Variants in CHMP7 observed in about 807,000 individuals in gnomAD.
CHMP7 encodes charged multivesicular body protein 7, also known as CHMP family, member 7.
Under a neutral mutation model 53.7 loss-of-function variants are expected in CHMP7, and 15 were observed. The ratio of observed to expected loss-of-function variants is 0.28; its 90% CI spans 0.19 to 0.43. The LOEUF (loss-of-function observed/expected upper bound fraction) is 0.43. Among genes scored for constraint, CHMP7 ranks in the 20% least tolerant of loss-of-function variants. CHMP7 has a pLI of 1.00. For synonymous variants in CHMP7, 261 were observed against 228.0 expected, an observed-to-expected ratio of 1.14 and a Z score of -1.30; for missense variants, 527 against 569.4, an observed-to-expected ratio of 0.93 and a Z score of 0.76.
intron 9 of CHMP7, among the ~76,000 whole-genome samples, 188 bp downstream of exon 9, chr8:23,259,314 G>A (rs10092563): frequency 0.13 from 18,602 of 148,392 alleles, 1,481 homozygotes; most frequent in South Asian, 0.29. Context: ...GACTACAGGC[G>A]CCTGCCACTA....
At position 23,245,823 on chromosome 8, in the gene CHMP7, GT is replaced by G. The variant is rs140493228; in HGVS notation, c.-440-430del. ...AGATATAAACATATTCAAGTGGTCT[GT>G]TTCCTCTTGTGTGTTTTGGCAGAGT... On this transcript the variant is annotated intron_variant, in intron 1 of 10. Coordinates refer to ENST00000397677, the MANE Select transcript of CHMP7 (RefSeq NM_152272.5). Among the ~76,000 whole-genome samples, 947 of 152,314 alleles carry G rather than the reference GT, an allele frequency of 6.2e-3. 12 individuals carry two copies. The highest frequency in any genetic ancestry group is 0.022 in the African/African-American group (903 of 41,578).
chr8:23,248,061 C>G, intron 2 of CHMP7: 1 of 456,242 alleles, frequency 2.2e-6, no homozygotes, highest in Middle Eastern at 3.3e-4. Flanking sequence ...ATCCTCCCAC[C>G]TCAGCCTCCC....
At chr8:23,260,473 C>T in intron 10 of CHMP7, 65 bp from the exon 11 acceptor site, 1 of 1,523,444 alleles carries the variant, frequency 6.6e-7, no homozygotes, top group Non-Finnish European at 9.1e-7. Context: ...GTCTCTTAAT[C>T]ACTGGAATGC....
chr8:23,251,266 G>C (rs1397943580), intron 3 of CHMP7, among the ~76,000 whole-genome samples: 2 of 151,930 alleles, frequency 1.3e-5, no homozygotes, highest in Non-Finnish European at 2.9e-5. Context: ...CTTTTGGATG[G>C]TATTGAAAAA....
intron 1 of CHMP7, 86 bp downstream of exon 1, chr8:23,243,930 G>T (rs549120696): frequency 1.3e-5 from 2 of 151,962 alleles, no homozygotes; most frequent in African/African-American, 4.8e-5. Context: ...CTTATTTGCC[G>T]TTGGTAGATC....
At chr8:23,247,132 C>G in intron 2 of CHMP7, 138 bp downstream of exon 2, 1 of 838,484 alleles carries the variant, frequency 1.2e-6, no homozygotes, top group Non-Finnish European at 1.7e-6. Context: ...AGTGTGTGTT[C>G]AGAAGGCGAA....
At chr8:23,245,796 T>C (rs920718551) in intron 1 of CHMP7, among the ~76,000 whole-genome samples, 2 of 152,258 alleles carry the variant, frequency 1.3e-5, no homozygotes, top group African/African-American at 4.8e-5. Context: ...ATTCAATTAA[T>C]TAGATATAAA....
chr8:23,254,019 C>T (rs1382109886), intron 3 of CHMP7, among the ~76,000 whole-genome samples: 3 of 152,096 alleles, frequency 2.0e-5, no homozygotes, highest in Non-Finnish European at 4.4e-5. Context: ...TAGGATATTA[C>T]ACTTTCTATA....
chr8:23,250,968 A>G lies in CHMP7; in HGVS notation c.471+1587A>G, dbSNP rs1424111170. Among the ~76,000 whole-genome samples the G allele has an allele frequency of 2.0e-5, 3 of 152,136 alleles. No homozygotes were observed. The East Asian group carries it at 5.8e-4, about 29-fold the overall frequency. On this transcript the variant is annotated intron_variant, in intron 3 of 10. Transcript: ENST00000397677. ...AGGGCAGCCCCTCTGCTCCATCTGC[A>G]CCCCTTCCCCGCACCCATGCAGTTA...
chr8:23,259,754 C>G (rs556968491), intron 9 of CHMP7: 1 of 181,588 alleles, frequency 5.5e-6, no homozygotes, highest in South Asian at 1.3e-4. Flanking sequence ...GCAGGCAGGC[C>G]TCTCCTAGCC....
At chr8:23,250,786 C>T (rs1036690887) in intron 3 of CHMP7, among the ~76,000 whole-genome samples, 1 of 152,114 alleles carries the variant, frequency 6.6e-6, no homozygotes, top group Non-Finnish European at 1.5e-5. Flanking sequence ...TGGAGCCAGC[C>T]CAGAATCCCC....
chr8:23,260,044 C>G (rs1353838546), intron 9 of CHMP7, 100 bp from the exon 10 acceptor site: 10 of 939,872 alleles, frequency 1.1e-5, no homozygotes, highest in South Asian at 1.7e-5. Flanking sequence ...GGCCTGGCAT[C>G]TTTTGTAAAG....
At chr8:23,249,865 C>G (rs753534214) in intron 3 of CHMP7, among the ~76,000 whole-genome samples, 2 of 152,166 alleles carry the variant, frequency 1.3e-5, no homozygotes, top group African/African-American at 4.8e-5. Context: ...GCCATGGTCC[C>G]GTCCTAGCCT....
intron 3 of CHMP7, among the ~76,000 whole-genome samples, chr8:23,253,709 A>G (rs149687196): frequency 1.3e-5 from 2 of 152,340 alleles, no homozygotes; most frequent in African/African-American, 4.8e-5. Context: ...CACTCAATCC[A>G]TAGTGACTTT....
Position 23,246,819 on chromosome 8 carries a change from C to T in CHMP7, c.124C>T (p.Arg42Cys), listed in dbSNP as rs1366602728. The T allele has an allele frequency of 1.3e-6, 2 of 1,597,750 alleles. No individual in the cohort carries two copies. Among genetic ancestry groups the T allele is most frequent in the Non-Finnish European group, 1.7e-6 (2 of 1,172,568 alleles). ...SFLFSAFKRS[R>C]EVNSTDWDSK... Reference sequence around the variant, plus strand: ...CCTGTTCTCCGCTTTCAAGAGGAGTCGCGAGGTGAACAGCACCGACTGGGA... The same window carrying T: ...CCTGTTCTCCGCTTTCAAGAGGAGTTGCGAGGTGAACAGCACCGACTGGGA... The change falls in exon 2 of 11, where the codon CGC becomes TGC. Residue 42 changes from arginine to cysteine, a missense_variant. Coordinates refer to ENST00000397677, the MANE Select transcript of CHMP7 (RefSeq NM_152272.5).
At chr8:23,249,119 A>C in intron 2 of CHMP7, 91 bp from the exon 3 acceptor site, 2 of 1,131,136 alleles carry the variant, frequency 1.8e-6, no homozygotes, top group South Asian at 3.4e-5. Context: ...ATAATGATAA[A>C]ATTCCTCTTT....
intron 3 of CHMP7, among the ~76,000 whole-genome samples, chr8:23,251,585 G>T (rs1223322129): frequency 6.6e-6 from 1 of 152,212 alleles, no homozygotes; most frequent in Non-Finnish European, 1.5e-5. Context: ...CCTGTTGAGT[G>T]AGTGAATACA....
chr8:23,261,002 G>T lies in CHMP7; in HGVS notation c.*403G>T. On this transcript the variant is annotated 3_prime_UTR_variant, in exon 11 of 11. Transcript: ENST00000397677. ...CCACTCCCCCCTGCGGTTTTTTAGA[G>T]GGGTTTATCCTGTCGCTAATGTCAG... 1 of 233,878 alleles carries T rather than the reference G, an allele frequency of 4.3e-6. No homozygotes were observed. Among genetic ancestry groups the T allele is most frequent in the South Asian group, 8.3e-5 (1 of 12,010 alleles). 14.5% of individuals were successfully genotyped at this position (233,878 alleles called of 1,614,324 possible).
At chr8:23,256,282 G>A (rs969785121) in intron 4 of CHMP7, among the ~76,000 whole-genome samples, 178 bp from the exon 5 acceptor site, 1 of 152,194 alleles carries the variant, frequency 6.6e-6, no homozygotes, top group African/African-American at 2.4e-5. Flanking sequence ...ATAGCTATAT[G>A]TATAGGGTTC....
Sources: allele counts gnomAD v4.1 joint callset (sites outside exome capture counted in the v4.1 genomes callset), GRCh38; gene constraint gnomAD v4.1.1; transcripts MANE v1.5; gene names NCBI Gene and HGNC (gene_info 2026-07-23, HGNC 2026-07-21).